Variants in SBF2 observed in about 807,000 individuals in gnomAD.
SBF2 encodes the protein SET binding factor 2.
SBF2 carries 112 observed loss-of-function variants against 225.2 expected under a neutral mutation model. The observed-to-expected ratio is 0.50, with a 90% CI of 0.43 to 0.58. The LOEUF is 0.58. Ranked by LOEUF, SBF2 falls within the 20% of genes least tolerant of loss-of-function variation. The pLI, the probability that SBF2 is intolerant of heterozygous loss-of-function variation, is 0.00. For synonymous variants in SBF2, 763 were observed against 773.3 expected (o/e 0.99, Z 0.22); for missense variants, 1,996 against 2,206.2 (o/e 0.90, Z 1.91).
chr11:10,079,796 T>C (rs1297035844), intron 2 of SBF2, among the ~76,000 whole-genome samples: 1 of 152,130 alleles, frequency 6.6e-6, no homozygotes, highest in Non-Finnish European at 1.5e-5. Context: ...TCAGAATGCC[T>C]ATGGTTAACA....
At chr11:9,972,931 T>C (rs1393199481) in intron 13 of SBF2, among the ~76,000 whole-genome samples, 2 of 152,270 alleles carry the variant, frequency 1.3e-5, no homozygotes, top group Non-Finnish European at 2.9e-5. Context: ...TCTGTAGTTA[T>C]ATAGATATTC....
chr11:10,237,695 A>G (rs1959130576), intron 1 of SBF2, among the ~76,000 whole-genome samples: 1 of 152,244 alleles, frequency 6.6e-6, no homozygotes, highest in South Asian at 2.1e-4. Context: ...CCATCATCAC[A>G]GTCAACATAA....
rs567602095 is a variant in SBF2 at position 9,780,099 on chromosome 11, A to G, written c.*319T>C. On this transcript the variant is annotated 3_prime_UTR_variant, in exon 40 of 40. Coordinates refer to ENST00000256190, the MANE Select transcript of SBF2 (RefSeq NM_030962.4). ...GGATCTATAGCTTTCATGAAGAAGG[A>G]CCCAAGTAGGTGGTAGCCATTTTGC... is the stretch of plus-strand genomic sequence containing the variant. The G allele has an allele frequency of 8.0e-6, 3 of 376,670 alleles. No individual in the cohort carries two copies. In the Admixed American group the frequency reaches 1.1e-4, roughly 14 times the overall value. The allele number at this position is 376,670 out of a possible 1,614,324, so 23.3% of individuals were successfully genotyped here. A position where few individuals can be genotyped will look rare whatever the true frequency, so the allele number is the denominator to read the frequency against.
chr11:10,061,429 A>G (rs1489839234), intron 2 of SBF2, among the ~76,000 whole-genome samples: 3 of 152,230 alleles, frequency 2.0e-5, no homozygotes, highest in Non-Finnish European at 4.4e-5. Context: ...ACATGATTCT[A>G]TATCTAGAAA....
chr11:10,067,655 G>A (rs894432160), intron 2 of SBF2, among the ~76,000 whole-genome samples: 1 of 152,162 alleles, frequency 6.6e-6, no homozygotes, highest in Non-Finnish European at 1.5e-5. Flanking sequence ...AGCACCATGG[G>A]AGGCCAAGGC....
intron 17 of SBF2, among the ~76,000 whole-genome samples, chr11:9,879,768 G>T (rs1859583673): frequency 6.6e-6 from 1 of 152,152 alleles, no homozygotes; most frequent in African/African-American, 2.4e-5. Context: ...TAAAAGTTCA[G>T]ACAGTTAAAC....
chr11:9,873,244 T>C lies in SBF2; in HGVS notation c.1930-14848A>G, dbSNP rs564822312. 1.7e-3 allele frequency among the ~76,000 whole-genome samples: 221 copies of C among 131,580 alleles called. 1 individual carries two copies. The highest frequency in any genetic ancestry group is 5.9e-3 in the African/African-American group (212 of 35,678). The allele number at this position is 131,580 out of a possible 152,430, so 86.3% of individuals were successfully genotyped here. A position where few individuals can be genotyped will look rare whatever the true frequency, so the allele number is the denominator to read the frequency against. ...AAAAAAAAAAAAAGTTACTAAAAAA[T>C]GCTCTATGTAGTTTGTCACAAAGGT... is the stretch of plus-strand genomic sequence containing the variant. On this transcript the variant is annotated intron_variant, in intron 17 of 39. Transcript: ENST00000256190.
chr11:10,068,884 AT>A (rs1950737168), intron 2 of SBF2, among the ~76,000 whole-genome samples: 1 of 152,196 alleles, frequency 6.6e-6, no homozygotes, highest in Non-Finnish European at 1.5e-5. Flanking sequence ...ATATATTTTT[AT>A]TGCCGAAAGC....
At chr11:9,879,322 T>A (rs952723517) in intron 17 of SBF2, among the ~76,000 whole-genome samples, 2 of 152,182 alleles carry the variant, frequency 1.3e-5, no homozygotes, top group African/African-American at 4.8e-5. Flanking sequence ...GAGTCATGAG[T>A]TTTGCATTTT....
chr11:9,973,099 G>A (rs559560527), intron 13 of SBF2, among the ~76,000 whole-genome samples: 2 of 152,304 alleles, frequency 1.3e-5, no homozygotes, highest in Admixed American at 6.5e-5. Flanking sequence ...CATGATAAAT[G>A]TAAAGGACCA....
chr11:10,125,631 T>C (rs1953712845), intron 2 of SBF2, among the ~76,000 whole-genome samples: 1 of 152,176 alleles, frequency 6.6e-6, no homozygotes, highest in Non-Finnish European at 1.5e-5. Flanking sequence ...TATGTTAACA[T>C]CTTAGAGACA....
At chr11:10,182,797 C>A (rs559623069) in intron 2 of SBF2, among the ~76,000 whole-genome samples, 1 of 150,800 alleles carries the variant, frequency 6.6e-6, no homozygotes, top group Non-Finnish European at 1.5e-5. Flanking sequence ...TTTTTTGAGA[C>A]GGAGTCTTGC....
intron 16 of SBF2, among the ~76,000 whole-genome samples, chr11:9,924,878 A>G (rs947719136): frequency 6.6e-6 from 1 of 152,030 alleles, no homozygotes; most frequent in African/African-American, 2.4e-5. Flanking sequence ...CCTCCTAAGT[A>G]GCTGGGACCA....
At chr11:9,930,809 C>G (rs750898340) in intron 16 of SBF2, among the ~76,000 whole-genome samples, 1 of 152,184 alleles carries the variant, frequency 6.6e-6, no homozygotes. Context: ...ACCTCACCTG[C>G]GAAGAGCAAG....
chr11:9,999,218 C>G (rs1381523216), intron 8 of SBF2, among the ~76,000 whole-genome samples: 2 of 152,096 alleles, frequency 1.3e-5, no homozygotes, highest in Non-Finnish European at 2.9e-5. Flanking sequence ...CTTGGTTTGT[C>G]CTACCTCCAG....
At chr11:9,825,652 T>C (rs888964079) in intron 28 of SBF2, among the ~76,000 whole-genome samples, 3 of 152,150 alleles carry the variant, frequency 2.0e-5, no homozygotes, top group Non-Finnish European at 4.4e-5. Context: ...AAAAAGTGAA[T>C]TTTGTAAAGT....
At chr11:10,055,524 TACACAC>T (rs3993326) in intron 2 of SBF2, among the ~76,000 whole-genome samples, 31,309 of 133,616 alleles carry the variant, frequency 0.23, 3,725 homozygotes, top group Admixed American at 0.29. Flanking sequence ...AAGAAAATGA[TACACAC>T]ACACACACAC....
chr11:9,802,855 A>G (rs1459226036), intron 32 of SBF2, among the ~76,000 whole-genome samples: 2 of 152,222 alleles, frequency 1.3e-5, no homozygotes, highest in Non-Finnish European at 2.9e-5. Context: ...TTCAGCACAA[A>G]ATAATTTGCA....
At chr11:9,930,875 A>G (rs1017727153) in intron 16 of SBF2, among the ~76,000 whole-genome samples, 1 of 152,222 alleles carries the variant, frequency 6.6e-6, no homozygotes, top group African/African-American at 2.4e-5. Flanking sequence ...CTGCACCTGG[A>G]AAAACGGGAC....
Sources: gnomAD v4.1 joint callset for allele counts (sites outside exome capture counted in the v4.1 genomes callset) on GRCh38, gnomAD v4.1.1 for gene constraint, MANE v1.5 for transcripts, NCBI Gene and HGNC (gene_info 2026-07-23, HGNC 2026-07-21) for gene names.